Variants in NTRK3 observed in about 807,000 individuals in gnomAD.
NTRK3 encodes the protein neurotrophic receptor tyrosine kinase 3.
Under a neutral mutation model 91.7 loss-of-function variants are expected in NTRK3, and 24 were observed. The ratio of observed to expected loss-of-function variants is 0.26; its 90% CI spans 0.19 to 0.37. The LOEUF (loss-of-function observed/expected upper bound fraction) is 0.37. Ranked by LOEUF, NTRK3 falls within the 10% of genes least tolerant of loss-of-function variation. The probability of loss-of-function intolerance (pLI) is 1.00; values close to 1 mark genes in which losing one functional copy is unlikely to be tolerated. For synonymous variants in NTRK3, 483 were observed against 404.0 expected (o/e 1.20, Z -2.34); for missense variants, 880 against 1,068.9 (o/e 0.82, Z 2.46).
intron 17 of NTRK3, among the ~76,000 whole-genome samples, chr15:87,898,434 G>A (rs900451254): frequency 4.6e-5 from 7 of 152,130 alleles, no homozygotes; most frequent in South Asian, 2.1e-4. Context: ...TTACAAAAGC[G>A]GGGCTTAGAC....
At chr15:88,160,099 A>G (rs1192366236) in intron 5 of NTRK3, among the ~76,000 whole-genome samples, 2 of 152,106 alleles carry the variant, frequency 1.3e-5, no homozygotes, top group Non-Finnish European at 2.9e-5. Flanking sequence ...GATGGTCCCA[A>G]AAGAGAGCAG....
At chr15:87,896,595 CTT>C (rs931971236) in intron 17 of NTRK3, among the ~76,000 whole-genome samples, 1 of 151,978 alleles carries the variant, frequency 6.6e-6, no homozygotes, top group African/African-American at 2.4e-5. Context: ...TGTATATAGA[CTT>C]TGAGTCACCT....
intron 5 of NTRK3, among the ~76,000 whole-genome samples, chr15:88,174,274 G>A (rs2045792742): frequency 6.6e-6 from 1 of 152,092 alleles, no homozygotes; most frequent in African/African-American, 2.4e-5. Flanking sequence ...AGACCAAATG[G>A]GTTAAATAGC....
intron 5 of NTRK3, among the ~76,000 whole-genome samples, chr15:88,173,997 C>T (rs1307023579): frequency 2.0e-5 from 3 of 152,248 alleles, no homozygotes; most frequent in Admixed American, 6.5e-5. Flanking sequence ...TAGAGGAATG[C>T]TTGGTCTATA....
chr15:88,135,914 C>A, exon 9 of NTRK3: 2 of 1,614,148 alleles, frequency 1.2e-6, no homozygotes, highest in Non-Finnish European at 1.7e-6. Context: ...ACAGTGAGGG[C>A]AACACTGGCA....
intron 3 of NTRK3, among the ~76,000 whole-genome samples, chr15:88,229,109 C>T (rs1027540599): frequency 2.0e-5 from 3 of 152,194 alleles, no homozygotes; most frequent in Admixed American, 1.3e-4. Context: ...TGGACCAACA[C>T]CAGCCAATCT....
intron 17 of NTRK3, among the ~76,000 whole-genome samples, 189 bp from the exon 19 acceptor site, chr15:87,880,617 A>G (rs1403323546): frequency 1.3e-5 from 2 of 152,242 alleles, no homozygotes; most frequent in Admixed American, 6.5e-5. Context: ...GGAGACAGCT[A>G]GACTAGCAAC....
chr15:88,025,896 C>A (rs757118872), intron 14 of NTRK3, among the ~76,000 whole-genome samples: 1 of 152,154 alleles, frequency 6.6e-6, no homozygotes, highest in Non-Finnish European at 1.5e-5. Flanking sequence ...GAGGTGGAGG[C>A]TGCAGTGAGC....
chr15:87,908,551 GGC>G (rs2066905820), intron 17 of NTRK3: 3 of 399,288 alleles, frequency 7.5e-6, no homozygotes, highest in Non-Finnish European at 1.3e-5. Context: ...GGGCCCTTCT[GGC>G]ATGGCCCTTC....
chr15:87,870,604 A>G (rs2064804670), exon 19 of NTRK3: 1 of 209,854 alleles, frequency 4.8e-6, no homozygotes, highest in Non-Finnish European at 9.7e-6. Context: ...TATATAAAAT[A>G]AGTCTTGAAA....
chr15:88,161,126 C>T (rs1296943416), intron 5 of NTRK3, among the ~76,000 whole-genome samples: 1 of 152,194 alleles, frequency 6.6e-6, no homozygotes, highest in Non-Finnish European at 1.5e-5. Context: ...TAGCAGCTAA[C>T]AAACATGGTG....
chr15:88,254,898 C>A (rs925987638), intron 3 of NTRK3, among the ~76,000 whole-genome samples: 4 of 152,190 alleles, frequency 2.6e-5, no homozygotes, highest in African/African-American at 9.7e-5. Flanking sequence ...AAGGGGTCAC[C>A]TGGCCGAGGT....
intron 13 of NTRK3, among the ~76,000 whole-genome samples, chr15:88,046,154 C>G (rs542121039): frequency 6.6e-6 from 1 of 152,300 alleles, no homozygotes; most frequent in Non-Finnish European, 1.5e-5. Flanking sequence ...ATCTCAGGCT[C>G]TGGGTGAACT....
chr15:88,070,905 AAGG>A (rs536794994), intron 13 of NTRK3, among the ~76,000 whole-genome samples: 31 of 152,318 alleles, frequency 2.0e-4, no homozygotes, highest in Middle Eastern at 3.4e-3. Context: ...GCAAGATAAA[AAGG>A]AGGAGGAGAA....
chr15:88,070,399 G>A (rs139306082), intron 13 of NTRK3, among the ~76,000 whole-genome samples: 10 of 151,996 alleles, frequency 6.6e-5, no homozygotes, highest in South Asian at 2.1e-4. Flanking sequence ...AGAGAGGGGC[G>A]CTGGGGTCTC....
intron 17 of NTRK3, among the ~76,000 whole-genome samples, chr15:87,919,812 G>GT (rs879627081): frequency 3.3e-5 from 5 of 152,124 alleles, no homozygotes; most frequent in African/African-American, 9.7e-5. Flanking sequence ...ACTGGAGTTT[G>GT]TTTTTTTATT....
intron 3 of NTRK3, among the ~76,000 whole-genome samples, chr15:88,247,419 AAC>A (rs917598878): frequency 6.6e-6 from 1 of 152,096 alleles, no homozygotes; most frequent in African/African-American, 2.4e-5. Context: ...TTCTCTGTAA[AAC>A]AGTGTTTGGC....
At chr15:87,941,572 A>T (rs972253815) in intron 14 of NTRK3, among the ~76,000 whole-genome samples, 5 of 152,172 alleles carry the variant, frequency 3.3e-5, no homozygotes, top group African/African-American at 7.2e-5. Flanking sequence ...GACAGAGACT[A>T]CTAACGGGTA....
At position 88,240,053 on chromosome 15, in the gene NTRK3, G is replaced by GACACACAC. The variant is rs74267908; in HGVS notation, c.248+15845_248+15852dup. Among the ~76,000 whole-genome samples, 1 of 148,900 alleles carries GACACACAC rather than the reference G, an allele frequency of 6.7e-6. No homozygotes were observed. The highest frequency in any genetic ancestry group is 1.5e-5 in the Non-Finnish European group (1 of 66,980). On this transcript the variant is annotated intron_variant, in intron 3 of 18. Coordinates refer to ENST00000394480, the Ensembl canonical transcript of NTRK3. The surrounding 1 kb of genome is among the most constrained non-coding windows in gnomAD (Gnocchi z 4.9). Reference sequence around the variant, plus strand: ...ATATACACACACAGCGACACACACAGACACACACACACACACACACAGGAA... The same window carrying GACACACAC: ...ATATACACACACAGCGACACACACAGACACACACACACACACACACACACACACAGGAA...
Sources: allele counts gnomAD v4.1 joint callset (sites outside exome capture counted in the v4.1 genomes callset), GRCh38; gene constraint gnomAD v4.1.1; non-coding constraint Gnocchi (gnomAD v3.1); transcripts MANE v1.5; gene names NCBI Gene and HGNC (gene_info 2026-07-23, HGNC 2026-07-21).